The following RFLNA variants were observed in gnomAD, a reference collection of about 807,000 sequenced individuals.
RFLNA encodes the protein refilin A, also known as refilin-A.
A neutral mutation model predicts 7.8 loss-of-function variants in RFLNA; 5 were observed. The ratio of observed to expected loss-of-function variants is 0.64; its 90% CI spans 0.34 to 1.35. The LOEUF (loss-of-function observed/expected upper bound fraction) is 1.35, where lower values mean the gene tolerates loss of function less well. Ranked by LOEUF, RFLNA falls within the 40% of genes most tolerant of loss-of-function variation. The probability of loss-of-function intolerance (pLI) is 0.04; values close to 1 mark genes in which losing one functional copy is unlikely to be tolerated. For synonymous variants in RFLNA, 141 were observed against 131.3 expected, an observed-to-expected ratio of 1.07 and a Z score of -0.50; for missense variants, 278 against 305.5, an observed-to-expected ratio of 0.91 and a Z score of 0.67.
chr12:124,303,180 T>C (rs1015734256), intron 1 of RFLNA, among the ~76,000 whole-genome samples: 1 of 152,222 alleles, frequency 6.6e-6, no homozygotes, highest in African/African-American at 2.4e-5. Context: ...GCTGTCACTG[T>C]GAGGCACTGA....
chr12:124,302,785 AG>A (rs1261146939), intron 1 of RFLNA, among the ~76,000 whole-genome samples: 16 of 33,924 alleles, frequency 4.7e-4, no homozygotes, highest in South Asian at 1.9e-3. Context: ...GGCCGAGGTC[AG>A]GGGGCCGAGG....
upstream of RFLNA, among the ~76,000 whole-genome samples, chr12:124,294,339 G>C (rs2135669371): frequency 6.6e-6 from 1 of 152,266 alleles, no homozygotes; most frequent in Non-Finnish European, 1.5e-5. Context: ...CAGCTGCCCC[G>C]CTTGCAGAAT....
In RFLNA at chr12:124,314,455, T is replaced by C; in HGVS notation, c.581T>C (p.Phe194Ser). 6.2e-7 allele frequency: 1 copy of C among 1,600,896 alleles called. No homozygotes were observed. Among genetic ancestry groups the C allele is most frequent in the Non-Finnish European group, 8.5e-7 (1 of 1,179,554 alleles). The change falls in exon 3 of 3, where the codon TTC becomes TCC. Residue 194 changes from phenylalanine (F) to serine (S), a missense_variant. By Grantham distance (155) the Phe-to-Ser change is radical. Transcript: ENST00000546355. ...AGCCTGGGCCGGCCCAGCCGCTGGT[T>C]CACCGCCAGCGTGCAGCTGCAGCTT... is the stretch of plus-strand genomic sequence containing the variant. ...HCSLGRPSRW[F>S]TASVQLQLCQ...
intron 1 of RFLNA, among the ~76,000 whole-genome samples, chr12:124,296,118 T>C (rs183575336): frequency 2.7e-4 from 1 of 3,644 alleles, no homozygotes; most frequent in African/African-American, 2.9e-4. Context: ...CTTTCTTTCT[T>C]TCTTTCTCTC....
upstream of RFLNA, among the ~76,000 whole-genome samples, chr12:124,291,382 G>T (rs1168569359): frequency 6.6e-6 from 1 of 152,136 alleles, no homozygotes; most frequent in African/African-American, 2.4e-5. Context: ...AGCCTCCTGT[G>T]TAGCTGGGAT....
Position 124,289,227 on chromosome 12 carries a change from T to C in RFLNA, c.-180T>C, listed in dbSNP as rs2033780758. ...TAAGTGCTCTGAAGACATAAATAGG[T>C]TTTTTGTTTACTCAAGCTTGGGAGA... On this transcript the variant is annotated 5_prime_UTR_variant, in exon 1 of 3. Coordinates refer to the RFLNA transcript ENST00000324038. This position sits in a 1 kb window ranked among gnomAD's most constrained non-coding sequence, Gnocchi z 5.0. 1 of 152,128 alleles carries C rather than the reference T, an allele frequency of 6.6e-6. No individual in the cohort carries two copies. The highest frequency in any genetic ancestry group is 6.5e-5 in the Admixed American group (1 of 15,280). The allele number at this position is 152,128 out of a possible 1,614,324, so 9.4% of individuals were successfully genotyped here.
chr12:124,290,999 TCA>T (rs887390423), upstream of RFLNA, among the ~76,000 whole-genome samples: 4 of 152,162 alleles, frequency 2.6e-5, no homozygotes, highest in African/African-American at 9.7e-5. The surrounding 1 kb of genome is among the most constrained non-coding windows in gnomAD (Gnocchi z 4.0). Context: ...TCCAATGCGC[TCA>T]GATGGCCTTG....
rs2034131552 is a variant in RFLNA, at chr12:124,306,043, T to C, written c.208-5775T>C. ...CTAGCAGGGATGGGGCTCCTGGTGA[T>C]GTTTGTCCACAGACTGCTGCCAAAC... On this transcript the variant is annotated intron_variant, in intron 1 of 2. Transcript: ENST00000546355. The surrounding 1 kb of genome is among the most constrained non-coding windows in gnomAD (Gnocchi z 5.2). Among the ~76,000 whole-genome samples the C allele has an allele frequency of 6.6e-6, 1 of 152,158 alleles. No homozygotes were observed. The highest frequency in any genetic ancestry group is 6.5e-5 in the Admixed American group (1 of 15,278).
chr12:124,292,892 G>A (rs191796367), upstream of RFLNA, among the ~76,000 whole-genome samples: 1 of 152,284 alleles, frequency 6.6e-6, no homozygotes, highest in East Asian at 1.9e-4. Context: ...AAGTCAAAAT[G>A]GATGCAAACA....
At chr12:124,300,731 CATGGATGGATGGATGGATGGATGGATGG>C (rs370958661) in intron 1 of RFLNA, among the ~76,000 whole-genome samples, 1 of 115,570 alleles carries the variant, frequency 8.7e-6, no homozygotes, top group Non-Finnish European at 1.8e-5. Flanking sequence ...TGGATGGATG[CATGGATGGATGGATGGATGGATGGATGG>C]ATGGATGGAT....
At position 124,313,653 on chromosome 12, in the gene RFLNA, T is replaced by TG. The variant is rs546678458; in HGVS notation, c.318-536dup. On this transcript the variant is annotated intron_variant, in intron 2 of 2. Transcript: ENST00000546355. ...GAGATCGCGCCACTGCACTCCAGCC[T>TG]GGGTGACAGAGCGAGACTCCGTCTC... Among the ~76,000 whole-genome samples, 365 of 149,042 alleles carry TG rather than the reference T, an allele frequency of 2.4e-3. 1 individual carries two copies. The highest frequency in any genetic ancestry group is 4.7e-3 in the Non-Finnish European group (320 of 67,560).
intron 1 of RFLNA, 106 bp from the exon 2 acceptor site, chr12:124,311,712 C>G (rs1593039610): frequency 1.8e-6 from 2 of 1,129,494 alleles, no homozygotes; most frequent in East Asian, 6.4e-5. Context: ...AGCTTCCAGA[C>G]CAAGCCAGGG....
chr12:124,291,229 T>C (rs2033820912), upstream of RFLNA, among the ~76,000 whole-genome samples: 1 of 152,198 alleles, frequency 6.6e-6, no homozygotes, highest in South Asian at 2.1e-4. Flanking sequence ...CCATCTGCTT[T>C]ATTTATTTAT....
upstream of RFLNA, among the ~76,000 whole-genome samples, chr12:124,294,122 C>CA (rs2033863419): frequency 6.6e-6 from 1 of 152,184 alleles, no homozygotes; most frequent in African/African-American, 2.4e-5. Flanking sequence ...AGAACATCTT[C>CA]AAAGTGCTGC....
chr12:124,305,540 G>A (rs2034122856), intron 1 of RFLNA, among the ~76,000 whole-genome samples: 1 of 152,230 alleles, frequency 6.6e-6, no homozygotes, highest in Non-Finnish European at 1.5e-5. Context: ...AGCGTCAGCA[G>A]GACTGGTTCC....
chr12:124,296,128 C>CTTTCTTTTT, intron 1 of RFLNA, among the ~76,000 whole-genome samples: 2 of 3,154 alleles, frequency 6.3e-4, no homozygotes, highest in Admixed American at 8.1e-3. Flanking sequence ...TTCTTTCTCT[C>CTTTCTTTTT]TCTCTCTCTC....
At chr12:124,312,715 G>A (rs2034267368) in intron 2 of RFLNA, among the ~76,000 whole-genome samples, 1 of 152,202 alleles carries the variant, frequency 6.6e-6, no homozygotes, top group African/African-American at 2.4e-5. Context: ...GCTGCTCCAT[G>A]TTCTTTGTGA....
At position 124,301,880 on chromosome 12, in the gene RFLNA, C is replaced by T. The variant is rs146984147; in HGVS notation, c.207+6244C>T. On this transcript the variant is annotated intron_variant, in intron 1 of 2. Coordinates refer to ENST00000546355, the MANE Select transcript of RFLNA (RefSeq NM_001365156.1). The stretch of plus-strand genomic sequence containing the variant: ...AGCTGCCGTGACAAAGTGCCACAGA[C>T]TGGGTGGCTTAACACAGAAGAAATT... Among the ~76,000 whole-genome samples the T allele has an allele frequency of 8.5e-4, 129 of 152,332 alleles. 1 individual carries two copies. In the Middle Eastern group the frequency reaches 0.014, roughly 16 times the overall value.
upstream of RFLNA, among the ~76,000 whole-genome samples, chr12:124,290,526 A>G (rs1566317190): frequency 1.3e-5 from 2 of 151,734 alleles, no homozygotes; most frequent in African/African-American, 2.4e-5. The surrounding 1 kb of genome is among the most constrained non-coding windows in gnomAD (Gnocchi z 4.0). Context: ...ATGTGTGTAT[A>G]TTTGTGTTTA....
Sources: allele counts gnomAD v4.1 joint callset (sites outside exome capture counted in the v4.1 genomes callset), GRCh38; gene constraint gnomAD v4.1.1; non-coding constraint Gnocchi (gnomAD v3.1); transcripts MANE v1.5; gene names NCBI Gene and HGNC (gene_info 2026-07-23, HGNC 2026-07-21).